RSPO3: variants seen among roughly 807,000 people sequenced by gnomAD.
The protein encoded by RSPO3 is R-spondin-3.
In RSPO3, 17 loss-of-function variants were observed where a neutral mutation model predicts 36.5. That is an observed-to-expected ratio of 0.47 (90% CI 0.32 to 0.70). The LOEUF is 0.70. RSPO3 is among the 30% of genes least tolerant of loss of function. RSPO3 has a pLI of 0.04. For missense variants in RSPO3, 294 were observed against 322.5 expected (o/e 0.91, Z 0.68); for synonymous variants, 108 against 107.0 (o/e 1.01, Z -0.06).
At position 127,195,480 on chromosome 6, in the gene RSPO3, T is replaced by C. The variant is rs56749699; in HGVS notation, c.635-343T>C. Among the ~76,000 whole-genome samples, 796 of 152,318 alleles carry C rather than the reference T, an allele frequency of 5.2e-3. 6 individuals carry two copies. Among genetic ancestry groups the C allele is most frequent in the African/African-American group, 0.017 (727 of 41,570 alleles). ...CACCAGGCCCAGCCAAAATATACAT[T>C]TTAATAAATGTTTTCAACAGCAAGA... On this transcript the variant is annotated intron_variant, in intron 4 of 4. Transcript: ENST00000356698.
chr6:127,131,679 A>C (rs1051116746), intron 1 of RSPO3, among the ~76,000 whole-genome samples: 2 of 152,108 alleles, frequency 1.3e-5, no homozygotes, highest in Non-Finnish European at 2.9e-5. Context: ...CAGCCGAGTT[A>C]ATTTATAAAA....
In RSPO3 at chr6:127,193,142, T is replaced by C. The variant is rs566285304; in HGVS notation, c.635-2681T>C. Among the ~76,000 whole-genome samples the C allele has an allele frequency of 9.8e-5, 15 of 152,358 alleles. No individual in the cohort carries two copies. In the East Asian group the frequency reaches 2.9e-3, roughly 29 times the overall value. On this transcript the variant is annotated intron_variant, in intron 4 of 4. Transcript: ENST00000356698. ...AATAATGTACAATGTGTTAGTTTCC[T>C]GTTACTTTACTAGAGCCTTCCCTTT...
chr6:127,196,674 G>A lies in RSPO3; in HGVS notation c.*667G>A, dbSNP rs539694194. 6.6e-6 allele frequency: 1 copy of A among 152,218 alleles called. No individual in the cohort carries two copies. Among genetic ancestry groups the A allele is most frequent in the Non-Finnish European group, 1.5e-5 (1 of 68,060 alleles). 9.4% of individuals were successfully genotyped at this position (152,218 alleles called of 1,614,324 possible). The stretch of plus-strand genomic sequence containing the variant: ...TCATAGAGCTGGAGACTACTTTTGT[G>A]CTTTACAAAACTGTGAAGGATTGTG... On this transcript the variant is annotated 3_prime_UTR_variant, in exon 5 of 5. Coordinates refer to ENST00000356698, the MANE Select transcript of RSPO3 (RefSeq NM_032784.5).
intron 1 of RSPO3, among the ~76,000 whole-genome samples, chr6:127,134,103 C>T (rs1774107919): frequency 6.6e-6 from 1 of 152,070 alleles, no homozygotes; most frequent in Non-Finnish European, 1.5e-5. Context: ...CAAAGCTGAA[C>T]AAGACCACAT....
At position 127,118,833 on chromosome 6, in the gene RSPO3, T is replaced by TGCAGCCGCCGCCGCCGCC. The variant is rs1303513754; in HGVS notation, c.-357_-340dup. The TGCAGCCGCCGCCGCCGCC allele has an allele frequency of 6.2e-6, 1 of 161,196 alleles. No homozygotes were observed. Among genetic ancestry groups the TGCAGCCGCCGCCGCCGCC allele is most frequent in the Non-Finnish European group, 1.3e-5 (1 of 74,930 alleles). 10.0% of individuals were successfully genotyped at this position (161,196 alleles called of 1,614,324 possible). ...GCTTCTGAGCCCAAGGGGCCGCCGCTGCAGCCGCCGCCGCCGCCGCTCGCC... is the reference window on the plus strand; with the variant it reads ...GCTTCTGAGCCCAAGGGGCCGCCGCTGCAGCCGCCGCCGCCGCCGCAGCCGCCGCCGCCGCCGCTCGCC... On this transcript the variant is annotated 5_prime_UTR_variant, in exon 1 of 5. Coordinates refer to ENST00000356698, the MANE Select transcript of RSPO3 (RefSeq NM_032784.5).
intron 4 of RSPO3, among the ~76,000 whole-genome samples, chr6:127,177,897 T>C (rs557438715): frequency 2.0e-5 from 3 of 148,254 alleles, no homozygotes; most frequent in East Asian, 2.0e-4. Flanking sequence ...GTTCTCTTGG[T>C]TTTTTTTTTA....
intron 1 of RSPO3, among the ~76,000 whole-genome samples, chr6:127,146,774 C>T (rs895578228): frequency 6.6e-6 from 1 of 152,034 alleles, no homozygotes; most frequent in Non-Finnish European, 1.5e-5. Flanking sequence ...CTTCTATAGA[C>T]AATTCTATGA....
At chr6:127,173,923 G>A (rs1004827853) in intron 4 of RSPO3, among the ~76,000 whole-genome samples, 3 of 152,030 alleles carry the variant, frequency 2.0e-5, no homozygotes, top group South Asian at 2.1e-4. Flanking sequence ...GCTGTTAACC[G>A]AATAAGAGTT....
rs536995389 is a variant in RSPO3 at position 127,171,785 on chromosome 6, C to T, written c.634+16347C>T. Among the ~76,000 whole-genome samples the T allele has an allele frequency of 7.2e-5, 11 of 151,752 alleles. No individual in the cohort carries two copies. In the East Asian group the frequency reaches 1.9e-3, roughly 27 times the overall value. On this transcript the variant is annotated intron_variant, in intron 4 of 4. Coordinates refer to ENST00000356698, the MANE Select transcript of RSPO3 (RefSeq NM_032784.5). The stretch of plus-strand genomic sequence containing the variant: ...AAACTAGCTTCAAATTGGCTAGGAG[C>T]TTGGGAGAACTACTCTGAAAACTTT...
chr6:127,137,787 A>T (rs1446468373), intron 1 of RSPO3, among the ~76,000 whole-genome samples: 1 of 151,974 alleles, frequency 6.6e-6, no homozygotes, highest in Non-Finnish European at 1.5e-5. Context: ...TAGTCTTTAG[A>T]TATCTCAATT....
chr6:127,179,715 G>T (rs1290707606), intron 4 of RSPO3, among the ~76,000 whole-genome samples: 2 of 151,798 alleles, frequency 1.3e-5, no homozygotes, highest in Non-Finnish European at 2.9e-5. Flanking sequence ...TAAAATCAAG[G>T]CATCAGTAAG....
chr6:127,182,477 C>G (rs1371764500), intron 4 of RSPO3, among the ~76,000 whole-genome samples: 1 of 151,828 alleles, frequency 6.6e-6, no homozygotes, highest in Non-Finnish European at 1.5e-5. Context: ...TTCTTAAATA[C>G]TTCAATTAAA....
At chr6:127,190,336 G>T (rs1331234473) in intron 4 of RSPO3, among the ~76,000 whole-genome samples, 1 of 152,166 alleles carries the variant, frequency 6.6e-6, no homozygotes, top group Non-Finnish European at 1.5e-5. Flanking sequence ...GCTGAGGCAG[G>T]AGAATCACTT....
intron 4 of RSPO3, among the ~76,000 whole-genome samples, chr6:127,193,547 T>A (rs761794278): frequency 2.0e-5 from 3 of 152,166 alleles, no homozygotes; most frequent in Admixed American, 6.6e-5. Flanking sequence ...TTTTTTCGAG[T>A]TGAACTCAAA....
chr6:127,169,525 T>C (rs1191183737), intron 4 of RSPO3, among the ~76,000 whole-genome samples: 1 of 151,886 alleles, frequency 6.6e-6, no homozygotes, highest in Non-Finnish European at 1.5e-5. Flanking sequence ...TTCTTCCTCT[T>C]ATGTAGGAAT....
rs182288983 is a variant in RSPO3, at chr6:127,157,812, G to T, written c.634+2374G>T. 4.2e-3 allele frequency among the ~76,000 whole-genome samples: 630 copies of T among 151,806 alleles called. 3 individuals are homozygous for T. The highest frequency in any genetic ancestry group is 0.015 in the African/African-American group (602 of 41,486). ...GTAGCCTATAAACTACAGGTAGGAA[G>T]AAAATCATTTCTCTCTTTGTTATTT... On this transcript the variant is annotated intron_variant, in intron 4 of 4. Coordinates refer to ENST00000356698, the MANE Select transcript of RSPO3 (RefSeq NM_032784.5).
chr6:127,128,481 G>A (rs775781469), intron 1 of RSPO3, among the ~76,000 whole-genome samples: 29 of 152,036 alleles, frequency 1.9e-4, no homozygotes, highest in Non-Finnish European at 3.8e-4. Flanking sequence ...ATTCTAATGT[G>A]CAGCCAAGAC....
intron 1 of RSPO3, among the ~76,000 whole-genome samples, chr6:127,135,190 G>C (rs1175604569): frequency 6.6e-6 from 1 of 152,168 alleles, no homozygotes; most frequent in Non-Finnish European, 1.5e-5. Context: ...GGGAGGCCAA[G>C]GCGGGCAGAT....
intron 1 of RSPO3, among the ~76,000 whole-genome samples, chr6:127,120,352 G>A (rs1205523791): frequency 1.3e-5 from 2 of 152,178 alleles, no homozygotes; most frequent in Non-Finnish European, 2.9e-5. Flanking sequence ...GGGCGACCCT[G>A]GCTCTATGGT....
Sources: gnomAD v4.1 joint callset for allele counts (sites outside exome capture counted in the v4.1 genomes callset) on GRCh38, gnomAD v4.1.1 for gene constraint, MANE v1.5 for transcripts, NCBI Gene and HGNC (gene_info 2026-07-23, HGNC 2026-07-21) for gene names.